SLC24A2: variants seen among roughly 807,000 people sequenced by gnomAD.
SLC24A2 encodes solute carrier family 24 member 2.
In SLC24A2, 36 loss-of-function variants were observed where a neutral mutation model predicts 62.0. That is an observed-to-expected ratio of 0.58 (90% CI 0.44 to 0.77). SLC24A2 has a LOEUF of 0.77. Among genes scored for constraint, SLC24A2 ranks in the 30% least tolerant of loss-of-function variants. SLC24A2 has a pLI of 0.00. For missense variants in SLC24A2, 846 were observed against 817.9 expected (o/e 1.03, Z -0.42); for synonymous variants, 358 against 294.0 (o/e 1.22, Z -2.23).
the SLC24A2 span, among the ~76,000 whole-genome samples, chr9:20,307,538 A>G: frequency 2.6e-5 from 4 of 152,222 alleles, no homozygotes; most frequent in African/African-American, 9.6e-5. Flanking sequence ...AAATTCCAGC[A>G]AATTGTAGGC....
At chr9:19,733,851 C>T (rs1182659) in intron 2 of SLC24A2, among the ~76,000 whole-genome samples, 100,969 of 151,934 alleles carry the variant, frequency 0.66, 35,117 homozygotes, top group East Asian at 0.88. Context: ...AGAAAACTCC[C>T]GTACTTTTGA....
chr9:19,558,455 C>T (rs1325383402), intron 7 of SLC24A2, among the ~76,000 whole-genome samples: 1 of 152,148 alleles, frequency 6.6e-6, no homozygotes, highest in Non-Finnish European at 1.5e-5. Context: ...CAACCAAGTG[C>T]ACTATGGCCA....
chr9:20,261,795 A>T, the SLC24A2 span, among the ~76,000 whole-genome samples: 1 of 118,966 alleles, frequency 8.4e-6, no homozygotes. Context: ...ACTGGAGTGC[A>T]GTGGCACGAT....
chr9:19,833,843 C>T, the SLC24A2 span, among the ~76,000 whole-genome samples: 2 of 152,208 alleles, frequency 1.3e-5, no homozygotes, highest in South Asian at 4.1e-4. Flanking sequence ...GGCGGACTGA[C>T]ACCTCACATG....
At chr9:20,059,719 G>A in the SLC24A2 span, among the ~76,000 whole-genome samples, 3 of 152,014 alleles carry the variant, frequency 2.0e-5, no homozygotes, top group East Asian at 1.9e-4. Context: ...CTCGCAAATT[G>A]AGAACCCTAT....
chr9:20,200,978 A>G, the SLC24A2 span, among the ~76,000 whole-genome samples: 1 of 152,222 alleles, frequency 6.6e-6, no homozygotes, highest in African/African-American at 2.4e-5. Flanking sequence ...TGCAAATCAC[A>G]AAATACAGCC....
chr9:19,516,332 G>A lies in SLC24A2; in HGVS notation c.1807C>T (p.Leu603Phe), dbSNP rs1370781130. 6.2e-7 allele frequency: 1 copy of A among 1,614,178 alleles called. No individual in the cohort carries two copies. The highest frequency in any genetic ancestry group is 1.1e-5 in the South Asian group (1 of 91,076). ...AAGAGAAGGACGATGGCACAGAAAA[G>A]GCCATTGCTGCTGACAGCCACTGGC... The part of the protein sequence containing the change: ...FQPVAVSSNG[L>F]FCAIVLLFIM... The change falls in exon 11 of 11, where the codon CTT becomes TTT. Residue 603 changes from leucine to phenylalanine, a missense_variant. Physicochemically the swap from Leu to Phe is conservative, Grantham distance 22. Coordinates refer to ENST00000341998, the MANE Select transcript of SLC24A2 (RefSeq NM_020344.4).
the SLC24A2 span, among the ~76,000 whole-genome samples, chr9:20,164,734 C>T: frequency 6.6e-6 from 1 of 151,808 alleles, no homozygotes; most frequent in South Asian, 2.1e-4. Flanking sequence ...GGAACCCACC[C>T]AAATGTCCAA....
At chr9:19,605,640 T>C (rs1430314200) in intron 4 of SLC24A2, among the ~76,000 whole-genome samples, 1 of 152,208 alleles carries the variant, frequency 6.6e-6, no homozygotes, top group Admixed American at 6.5e-5. Context: ...GTCTTATGAT[T>C]GAACCACTGA....
At chr9:19,684,283 T>G (rs557971261) in intron 2 of SLC24A2, among the ~76,000 whole-genome samples, 43 of 152,234 alleles carry the variant, frequency 2.8e-4, no homozygotes, top group African/African-American at 9.1e-4. Context: ...CCATTGGAAA[T>G]CAGGCTGCTG....
the SLC24A2 span, among the ~76,000 whole-genome samples, chr9:20,171,967 A>G: frequency 6.6e-6 from 1 of 152,060 alleles, no homozygotes; most frequent in Admixed American, 6.6e-5. Flanking sequence ...GATAGGCCAC[A>G]GTACAAGCCT....
At chr9:19,990,905 AG>A in the SLC24A2 span, among the ~76,000 whole-genome samples, 7 of 140,716 alleles carry the variant, frequency 5.0e-5, no homozygotes, top group African/African-American at 1.8e-4. Flanking sequence ...GGTTCTCTAG[AG>A]GGACAGGACT....
the SLC24A2 span, among the ~76,000 whole-genome samples, chr9:20,264,501 G>A: frequency 6.6e-6 from 1 of 152,114 alleles, no homozygotes; most frequent in Non-Finnish European, 1.5e-5. Flanking sequence ...TTTTCTTGGT[G>A]GAATGGTAGC....
the SLC24A2 span, among the ~76,000 whole-genome samples, chr9:19,899,308 C>G: frequency 2.0e-5 from 3 of 152,208 alleles, no homozygotes; most frequent in Non-Finnish European, 4.4e-5. Context: ...AGAAAATGAG[C>G]TGCTCCTTTG....
At chr9:19,550,514 T>C (rs141766031) in intron 7 of SLC24A2, among the ~76,000 whole-genome samples, 2 of 152,202 alleles carry the variant, frequency 1.3e-5, no homozygotes, top group Non-Finnish European at 2.9e-5. Context: ...CAGTTTCTCA[T>C]GTTCATCAAC....
chr9:19,519,883 G>C (rs1304012016), intron 10 of SLC24A2, among the ~76,000 whole-genome samples: 2 of 144,228 alleles, frequency 1.4e-5, no homozygotes, highest in African/African-American at 3.0e-5. Flanking sequence ...TTTATGCACA[G>C]AGAGTGCTAC....
At chr9:19,740,199 T>A (rs1821631743) in intron 2 of SLC24A2, among the ~76,000 whole-genome samples, 1 of 152,136 alleles carries the variant, frequency 6.6e-6, no homozygotes, top group Non-Finnish European at 1.5e-5. Context: ...TATATACGTA[T>A]CCTAAGACCC....
chr9:19,799,638 C>A, the SLC24A2 span, among the ~76,000 whole-genome samples: 5 of 152,274 alleles, frequency 3.3e-5, no homozygotes, highest in African/African-American at 1.2e-4. Flanking sequence ...AACTTTTAGC[C>A]TCCTCTAACT....
the SLC24A2 span, among the ~76,000 whole-genome samples, chr9:19,820,028 C>CATATATATATACATAT: frequency 2.7e-4 from 15 of 54,578 alleles, no homozygotes; most frequent in African/African-American, 6.5e-4. Flanking sequence ...TATATATACA[C>CATATATATATACATAT]ATATATATAT....
Sources: gnomAD v4.1 joint callset for allele counts (sites outside exome capture counted in the v4.1 genomes callset) on GRCh38, gnomAD v4.1.1 for gene constraint, MANE v1.5 for transcripts, NCBI Gene and HGNC (gene_info 2026-07-23, HGNC 2026-07-21) for gene names.